AGL: variants seen among roughly 807,000 people sequenced by gnomAD.
AGL encodes glycogen debranching enzyme.
AGL carries 128 observed loss-of-function variants against 199.3 expected under a neutral mutation model. The ratio of observed to expected loss-of-function variants is 0.64; its 90% CI spans 0.56 to 0.74. The LOEUF is 0.74. Among genes scored for constraint, AGL ranks in the 30% least tolerant of loss-of-function variants. AGL has a pLI of 0.00. For missense variants in AGL, 1,809 were observed against 1,820.8 expected, an observed-to-expected ratio of 0.99 and a Z score of 0.12; for synonymous variants, 584 against 594.7, an observed-to-expected ratio of 0.98 and a Z score of 0.26.
chr1:99,872,144 G>C (rs1557755760), intron 7 of AGL, among the ~76,000 whole-genome samples: 2 of 152,032 alleles, frequency 1.3e-5, no homozygotes, highest in East Asian at 3.9e-4. Context: ...AATTTATTTA[G>C]CCTTTTTGAT....
At chr1:99,857,732 G>A (rs1281799546) in intron 2 of AGL, among the ~76,000 whole-genome samples, 1 of 150,520 alleles carries the variant, frequency 6.6e-6, no homozygotes, top group African/African-American at 2.4e-5. Flanking sequence ...GAATCAGGCA[G>A]GGAGGTTGCA....
At chr1:99,864,051 A>G (rs1318889445) in intron 4 of AGL, among the ~76,000 whole-genome samples, 1 of 152,216 alleles carries the variant, frequency 6.6e-6, no homozygotes, top group Non-Finnish European at 1.5e-5. Context: ...TAAAAGTAGT[A>G]GAAACACGTG....
intron 2 of AGL, among the ~76,000 whole-genome samples, chr1:99,852,151 C>T (rs559537679): frequency 6.6e-6 from 1 of 152,116 alleles, no homozygotes; most frequent in South Asian, 2.1e-4. Flanking sequence ...TGTTCTCCTT[C>T]AAAGAATTAG....
intron 30 of AGL, among the ~76,000 whole-genome samples, chr1:99,914,024 G>A (rs1269650406): frequency 6.6e-6 from 1 of 152,178 alleles, no homozygotes; most frequent in African/African-American, 2.4e-5. Context: ...GTGGCCAGAT[G>A]CAGTGGCTCA....
In AGL at chr1:99,881,418, C is replaced by G. The variant is rs1652015757; in HGVS notation, c.2128C>G (p.Gln710Glu). Residue 710 changes from glutamine (Q) to glutamate (E), a missense_variant, in exon 16 of 34, where the codon CAG (glutamine) becomes GAG (glutamate). By Grantham distance (29) the Gln-to-Glu change is conservative (BLOSUM62 2). Transcript: ENST00000361915. ...CAGGTGTGCTATCAGTAAACTTCAT[C>G]AGGAGCTTGGAGCCAAGGGTTTTAT... ...AARCAISKLH[Q>E]ELGAKGFIQV... The G allele has an allele frequency of 6.2e-7, 1 of 1,614,078 alleles. No homozygotes were observed. The highest frequency in any genetic ancestry group is 8.5e-7 in the Non-Finnish European group (1 of 1,179,974).
In AGL at chr1:99,875,229, T is replaced by C. The variant is rs2101127937; in HGVS notation, c.1158T>C (p.His386=). ...TGGAGGAATTAAATTCAGAGAAGCA[T>C]CGACTCATTAACTATCATCAGGAAC... ...KRMEELNSEK[H]RLINYHQEQA... The change falls in exon 9 of 34, where the codon CAT becomes CAC. Residue 386 remains histidine (H), a synonymous_variant. Coordinates refer to ENST00000361915, the MANE Select transcript of AGL (RefSeq NM_000642.3). The C allele has an allele frequency of 6.2e-7, 1 of 1,614,122 alleles. No homozygotes were observed. The highest frequency in any genetic ancestry group is 2.2e-5 in the East Asian group (1 of 44,870).
At chr1:99,880,924 C>T (rs1651963225) in intron 14 of AGL, 129 bp downstream of exon 14, 1 of 1,283,248 alleles carries the variant, frequency 7.8e-7, no homozygotes, top group East Asian at 2.4e-5. Flanking sequence ...ATTTATAATA[C>T]ATAGTTTTCA....
intron 24 of AGL, among the ~76,000 whole-genome samples, chr1:99,893,266 T>C (rs1051817712): frequency 6.6e-6 from 1 of 152,210 alleles, no homozygotes; most frequent in African/African-American, 2.4e-5. Context: ...AATAGTATTA[T>C]CTGTGTAATT....
At chr1:99,920,776 A>G (rs1270565064) in intron 33 of AGL, among the ~76,000 whole-genome samples, 2 of 152,150 alleles carry the variant, frequency 1.3e-5, no homozygotes, top group Non-Finnish European at 2.9e-5. Context: ...CCCACAACCC[A>G]ACTTAAAAAT....
intron 19 of AGL, 37 bp from the exon 20 acceptor site, chr1:99,884,532 T>C (rs530012787): frequency 6.2e-7 from 1 of 1,610,408 alleles, no homozygotes; most frequent in Non-Finnish European, 8.5e-7. Flanking sequence ...AATAAATTAC[T>C]CCTAAAAATT....
At position 99,922,442 on chromosome 1, in the gene AGL, A is replaced by G. The variant is rs1432483285; in HGVS notation, c.*791A>G. 1.3e-5 allele frequency: 2 copies of G among 151,814 alleles called. No homozygotes were observed. Among genetic ancestry groups the G allele is most frequent in the East Asian group, 1.9e-4 (1 of 5,190 alleles). The allele number at this position is 151,814 out of a possible 1,614,324, so 9.4% of individuals were successfully genotyped here. ...TGTTATATTAGTTTTCTAAAACTCA[A>G]CTATCTTTAGTCATGTTCAAAAATC... On this transcript the variant is annotated 3_prime_UTR_variant, in exon 34 of 34. Transcript: ENST00000361915.
At chr1:99,872,748 C>T (rs568881480) in intron 7 of AGL, among the ~76,000 whole-genome samples, 7 of 152,084 alleles carry the variant, frequency 4.6e-5, no homozygotes, top group Non-Finnish European at 7.4e-5. Flanking sequence ...AGGATGGTCT[C>T]GATCTCTTGA....
rs1316494416 is a variant in AGL, at chr1:99,884,346, A to C, written c.2441A>C (p.Glu814Ala). The C allele has an allele frequency of 6.2e-7, 1 of 1,613,112 alleles. No homozygotes were observed. Among genetic ancestry groups the C allele is most frequent in the African/African-American group, 1.3e-5 (1 of 74,860 alleles). ...VEIREHIQLN[E>A]SKIVKQAGVA... ...AATGTACTTTTTTTCAAGCTTAATG[A>C]AAGTAAAATTGTTAAACAAGCTGGA... Residue 814 changes from glutamate (E) to alanine (A), a missense_variant, in exon 19 of 34, where the codon GAA becomes GCA. By Grantham distance (107) the Glu-to-Ala change is moderately radical. Transcript: ENST00000361915.
intron 2 of AGL, among the ~76,000 whole-genome samples, chr1:99,854,812 T>C (rs1016112493): frequency 7.0e-6 from 1 of 142,648 alleles, no homozygotes; most frequent in Admixed American, 7.0e-5. Context: ...AGTGGAAGAG[T>C]GGTAGAGAAG....
chr1:99,883,128 A>G (rs1429035721), intron 17 of AGL, among the ~76,000 whole-genome samples: 2 of 152,124 alleles, frequency 1.3e-5, no homozygotes, highest in African/African-American at 4.8e-5. Context: ...AATATTCTAT[A>G]GTATGTTTAG....
chr1:99,900,586 T>A (rs1653746932), intron 25 of AGL, 50 bp from the exon 26 acceptor site: 3 of 1,549,730 alleles, frequency 1.9e-6, no homozygotes, highest in Non-Finnish European at 2.7e-6. Flanking sequence ...TTGTCTTCAA[T>A]TTTTAAGTGT....
chr1:99,883,494 G>A (rs1308775141), intron 17 of AGL, among the ~76,000 whole-genome samples: 1 of 152,152 alleles, frequency 6.6e-6, no homozygotes, highest in East Asian at 1.9e-4. Flanking sequence ...TTTGGCATTT[G>A]AAGTAAATGT....
chr1:99,870,266 C>CGATA, intron 5 of AGL, 134 bp from the exon 6 acceptor site: 2 of 881,996 alleles, frequency 2.3e-6, no homozygotes, highest in South Asian at 3.2e-5. Flanking sequence ...GTAACAGTAT[C>CGATA]ATCGTAAAAT....
At chr1:99,894,138 T>C (rs1446475207) in intron 24 of AGL, among the ~76,000 whole-genome samples, 2 of 151,436 alleles carry the variant, frequency 1.3e-5, no homozygotes, top group African/African-American at 4.9e-5. Context: ...CAGTGAGCTA[T>C]GATCACACCA....
Sources: allele counts gnomAD v4.1 joint callset (sites outside exome capture counted in the v4.1 genomes callset), GRCh38; gene constraint gnomAD v4.1.1; transcripts MANE v1.5; gene names NCBI Gene and HGNC (gene_info 2026-07-23, HGNC 2026-07-21).